Variants in PLXNA1 observed in about 807,000 individuals in gnomAD.
PLXNA1 encodes plexin-A1.
Under a neutral mutation model 191.7 loss-of-function variants are expected in PLXNA1, and 77 were observed. The ratio of observed to expected loss-of-function variants is 0.40; its 90% CI spans 0.33 to 0.49. The LOEUF is 0.49. Among genes scored for constraint, PLXNA1 ranks in the 20% least tolerant of loss-of-function variants. The pLI is 0.63. For synonymous variants in PLXNA1, 1,137 were observed against 1,156.4 expected (o/e 0.98, Z 0.34); for missense variants, 2,110 against 2,660.2 (o/e 0.79, Z 4.55).
intron 10 of PLXNA1, 116 bp downstream of exon 10, chr3:127,012,274 A>G: frequency 9.4e-7 from 1 of 1,068,300 alleles, no homozygotes; most frequent in Non-Finnish European, 1.3e-6. Context: ...GCTCACGTGT[A>G]TCTCTGATGA....
At chr3:127,011,492 C>T (rs1024054732) in intron 9 of PLXNA1, among the ~76,000 whole-genome samples, 2 of 152,254 alleles carry the variant, frequency 1.3e-5, no homozygotes, top group Non-Finnish European at 2.9e-5. Context: ...GGGCCATCTC[C>T]TGAGGCCAGC....
chr3:127,032,949 A>AC (rs1196719655), intron 31 of PLXNA1, 113 bp downstream of exon 31: 17 of 1,144,566 alleles, frequency 1.5e-5, no homozygotes, highest in Non-Finnish European at 2.1e-5. Flanking sequence ...GCTGCCACTG[A>AC]CCACCTTCAC....
At chr3:127,010,356 CAG>C (rs1181591390) in intron 9 of PLXNA1, among the ~76,000 whole-genome samples, 2 of 152,310 alleles carry the variant, frequency 1.3e-5, no homozygotes, top group Middle Eastern at 3.4e-3. Context: ...CTGTCAGAGT[CAG>C]AGTCAGGCCA....
Position 126,988,830 on chromosome 3 carries a change from A to G in PLXNA1, c.237A>G (p.Thr79=), listed in dbSNP as rs748023149. 4 of 1,613,304 alleles carry G rather than the reference A, an allele frequency of 2.5e-6. No homozygotes were observed. Among genetic ancestry groups the G allele is most frequent in the East Asian group, 2.2e-5 (1 of 44,894 alleles). Residue 79 remains threonine (T), a synonymous_variant, in exon 2 of 32, where the codon ACA becomes ACG. Coordinates refer to ENST00000393409, the MANE Select transcript of PLXNA1 (RefSeq NM_032242.4). The stretch of plus-strand genomic sequence containing the variant: ...TCTATAAGCTGTCGGGGAACCTGAC[A>G]CTGCTGCGGGCCCACGTCACGGGCC... ...NRIYKLSGNL[T]LLRAHVTGPV...
chr3:127,022,613 G>A (rs1352078754), intron 22 of PLXNA1, 139 bp from the exon 23 acceptor site: 2 of 855,434 alleles, frequency 2.3e-6, no homozygotes, highest in Non-Finnish European at 3.8e-6. Context: ...ACTCATGTGG[G>A]TGCCTTTCGA....
intron 3 of PLXNA1, among the ~76,000 whole-genome samples, chr3:127,001,188 T>C (rs2079038358): frequency 2.0e-5 from 3 of 152,266 alleles, no homozygotes; most frequent in South Asian, 4.1e-4. Context: ...GTTCCTTTCC[T>C]TGGAGCTGGT....
At chr3:126,993,581 G>T (rs1243973357) in intron 3 of PLXNA1, among the ~76,000 whole-genome samples, 1 of 152,152 alleles carries the variant, frequency 6.6e-6, no homozygotes, top group Non-Finnish European at 1.5e-5. Context: ...GCCCATACCT[G>T]CCTCCCAGCA....
rs368102080 is a variant in PLXNA1 at position 127,013,991 on chromosome 3, G to A, written c.2314-29G>A. On this transcript the variant is annotated intron_variant, in intron 10 of 31. Coordinates refer to ENST00000393409, the MANE Select transcript of PLXNA1 (RefSeq NM_032242.4). The stretch of plus-strand genomic sequence containing the variant: ...GGGAGGCCTGGAGGCCGCTTAGCTG[G>A]GAAGCCTGACGGTGCCATCACCTAA... 22 of 1,602,844 alleles carry A rather than the reference G, an allele frequency of 1.4e-5. No individual in the cohort carries two copies. The African/African-American group carries it at 2.5e-4, about 19-fold the overall frequency.
At chr3:127,030,433 GA>G in intron 29 of PLXNA1, 21 bp downstream of exon 29, 1 of 1,612,550 alleles carries the variant, frequency 6.2e-7, no homozygotes, top group Non-Finnish European at 8.5e-7. Context: ...GCAGGGGGAG[GA>G]GGGGCATCCC....
At chr3:126,998,563 G>A (rs2107624299) in intron 3 of PLXNA1, among the ~76,000 whole-genome samples, 1 of 152,320 alleles carries the variant, frequency 6.6e-6, no homozygotes, top group South Asian at 2.1e-4. Flanking sequence ...ACCAGGTGTG[G>A]CCTCACCAGC....
intron 3 of PLXNA1, among the ~76,000 whole-genome samples, chr3:127,000,839 C>A (rs2079036724): frequency 6.6e-6 from 1 of 152,182 alleles, no homozygotes; most frequent in Non-Finnish European, 1.5e-5. Flanking sequence ...GGGGCCTGCA[C>A]CTGCGTCACA....
At chr3:126,984,005 T>C (rs1465420725) in intron 1 of PLXNA1, among the ~76,000 whole-genome samples, 2 of 152,066 alleles carry the variant, frequency 1.3e-5, no homozygotes, top group African/African-American at 4.8e-5. Context: ...CGGGCCTCCT[T>C]GGCCTCCCCC....
chr3:127,004,519 G>A, intron 4 of PLXNA1, 92 bp from the exon 5 acceptor site: 2 of 896,906 alleles, frequency 2.2e-6, no homozygotes, highest in South Asian at 2.9e-5. Context: ...GCCTCCCCGG[G>A]CCTAAGGAGA....
chr3:127,015,000 C>G (rs1559961561), intron 14 of PLXNA1, among the ~76,000 whole-genome samples, 169 bp downstream of exon 14: 1 of 152,116 alleles, frequency 6.6e-6, no homozygotes, highest in Non-Finnish European at 1.5e-5. Context: ...TCCAGGGCTC[C>G]CTGGCTCACC....
intron 3 of PLXNA1, among the ~76,000 whole-genome samples, chr3:126,993,506 T>C (rs1429448289): frequency 6.6e-6 from 1 of 152,146 alleles, no homozygotes; most frequent in Non-Finnish European, 1.5e-5. Context: ...GGCTAGTTCC[T>C]TCCTGGTGAC....
In PLXNA1 at chr3:127,017,775, C is replaced by T. The variant is rs546282052; in HGVS notation, c.3543C>T (p.Pro1181=). The change falls in exon 19 of 32, where the codon CCC becomes CCT. Residue 1181 remains proline, a synonymous_variant. Coordinates refer to ENST00000393409, the MANE Select transcript of PLXNA1 (RefSeq NM_032242.4). ...GCCGGAACCTCTTGCCACCTGCACC[C>T]GGCAACTCCCGACTCAACTACACGG... ...LKGRNLLPPA[P]GNSRLNYTVL... 38 of 1,613,230 alleles carry T rather than the reference C, an allele frequency of 2.4e-5. No individual in the cohort carries two copies. The highest frequency in any genetic ancestry group is 4.0e-5 in the African/African-American group (3 of 75,040).
Position 127,003,523 on chromosome 3 carries a change from A to G in PLXNA1, c.1518+53A>G. The G allele has an allele frequency of 3.9e-6, 6 of 1,538,316 alleles. No homozygotes were observed. The South Asian group carries it at 7.3e-5, about 19-fold the overall frequency. ...GGCTGAAGGTGGGGGCCCTCCTACC[A>G]GGAACCCCAGTCACAGAGCAGTAGG... On this transcript the variant is annotated intron_variant, in intron 4 of 31. Transcript: ENST00000393409.
intron 23 of PLXNA1, among the ~76,000 whole-genome samples, chr3:127,024,130 A>C (rs2079166141): frequency 6.6e-6 from 1 of 152,152 alleles, no homozygotes; most frequent in African/African-American, 2.4e-5. Flanking sequence ...TGTGAGCCTA[A>C]AGCAGCAGGC....
In PLXNA1 at chr3:127,022,100, G is replaced by A. The variant is rs568444014; in HGVS notation, c.4054G>A (p.Glu1352Lys). The A allele has an allele frequency of 1.2e-6, 2 of 1,612,706 alleles. No individual in the cohort carries two copies. The highest frequency in any genetic ancestry group is 1.7e-6 in the Non-Finnish European group (2 of 1,179,720). The change falls in exon 22 of 32, where the codon GAG (glutamate) becomes AAG (lysine). Residue 1352 changes from glutamate to lysine, a missense_variant. Physicochemically the swap from Glu to Lys is moderately conservative, Grantham distance 56. Coordinates refer to ENST00000393409, the MANE Select transcript of PLXNA1 (RefSeq NM_032242.4). ...LKEMEVQANV[E>K]KSLTLFGQLL... ...GCTCCCTCAGGTGCAGGCCAATGTG[G>A]AGAAGTCGCTGACACTGTTCGGGCA...
Sources: allele counts gnomAD v4.1 joint callset (sites outside exome capture counted in the v4.1 genomes callset), GRCh38; gene constraint gnomAD v4.1.1; transcripts MANE v1.5; gene names NCBI Gene and HGNC (gene_info 2026-07-23, HGNC 2026-07-21).